The following NLRP1 variants were observed in gnomAD, a reference collection of about 807,000 sequenced individuals.
NLRP1 encodes the protein NLR family pyrin domain containing 1, also known as NACHT, LRR and PYD domains-containing protein 1.
Under a neutral mutation model 136.7 loss-of-function variants are expected in NLRP1, and 94 were observed. That is an observed-to-expected ratio of 0.69 (90% CI 0.58 to 0.82). The LOEUF is 0.82. Among genes scored for constraint, NLRP1 ranks in the 40% least tolerant of loss-of-function variants. NLRP1 has a pLI of 0.00. For missense variants in NLRP1, 1,575 were observed against 1,802.7 expected (o/e 0.87, Z 2.29); for synonymous variants, 690 against 725.1 (o/e 0.95, Z 0.78).
chr17:5,515,126 C>A lies in NLRP1; in HGVS notation c.4103-53G>T, dbSNP rs1246950156. On this transcript the variant is annotated intron_variant, in intron 16 of 16. Coordinates refer to ENST00000572272, the MANE Select transcript of NLRP1 (RefSeq NM_033004.4). ...CCACAGCCTCCACCTCCAATCCCCA[C>A]CTTCAGTGCTTTCCTCTCTCATCTC... is the stretch of plus-strand genomic sequence containing the variant. The A allele has an allele frequency of 8.0e-6, 12 of 1,502,170 alleles. 1 individual carries two copies. In the South Asian group the frequency reaches 1.2e-4, roughly 15 times the overall value. The allele number at this position is 1,502,170 out of a possible 1,614,324, so 93.1% of individuals were successfully genotyped here.
chr17:5,505,711 G>A (rs538431759), intron 15 of NLRP1: 2 of 152,366 alleles, frequency 1.3e-5, no homozygotes, highest in African/African-American at 4.8e-5. Flanking sequence ...AGCCTAGCTG[G>A]GCACTGATTG....
chr17:5,501,909 G>C (rs755172266), intron 15 of NLRP1: 2 of 1,587,088 alleles, frequency 1.3e-6, no homozygotes, highest in Non-Finnish European at 8.7e-7. Context: ...GGATTTATTT[G>C]AGTCCCAGTA....
chr17:5,514,955 C>T lies in NLRP1; in HGVS notation c.4221G>A (p.Val1407=). The T allele has an allele frequency of 1.2e-5, 19 of 1,614,226 alleles. No homozygotes were observed. Among genetic ancestry groups the T allele is most frequent in the Non-Finnish European group, 1.6e-5 (19 of 1,180,040 alleles). Reference sequence around the variant, plus strand: ...CCCTCTCGTACTGCTCCTGGCTCAGCACCTGTCCATGCAGTTTGTCCAAGA... The same window carrying T: ...CCCTCTCGTACTGCTCCTGGCTCAGTACCTGTCCATGCAGTTTGTCCAAGA... ...EVVLDKLHGQ[V]LSQEQYERVL... The change falls in exon 17 of 17, where the codon GTG becomes GTA. Residue 1407 remains valine (V), a synonymous_variant. Transcript: ENST00000572272.
chr17:5,544,947 T>C (rs913229157), intron 5 of NLRP1, among the ~76,000 whole-genome samples: 6 of 152,068 alleles, frequency 3.9e-5, no homozygotes, highest in Non-Finnish European at 7.4e-5. Context: ...GATATGATTA[T>C]GGGAGCGGCT....
At chr17:5,560,458 T>G (rs1055472177) in intron 3 of NLRP1, among the ~76,000 whole-genome samples, 3 of 151,984 alleles carry the variant, frequency 2.0e-5, no homozygotes, top group Non-Finnish European at 4.4e-5. Context: ...GACACTGGAG[T>G]GTGTAGCAGA....
rs1597460301 is a variant in NLRP1 at position 5,559,671 on chromosome 17, G to A, written c.1025C>T (p.Thr342Ile). 4 of 1,614,232 alleles carry A rather than the reference G, an allele frequency of 2.5e-6. 1 individual carries two copies. In the South Asian group the frequency reaches 3.3e-5, roughly 13 times the overall value. The change falls in exon 4 of 17, where the codon ACA becomes ATA. Residue 342 changes from threonine to isoleucine, a missense_variant. Coordinates refer to ENST00000572272, the MANE Select transcript of NLRP1 (RefSeq NM_033004.4). Reference protein sequence around the residue: ...LQGAAGIGKSTLARQVKEAWG... With the variant: ...LQGAAGIGKSILARQVKEAWG... ...GGCTTCCTTCACCTGCCTGGCCAGT[G>A]TTGACTTCCCAATTCCAGCAGCCCC...
intron 12 of NLRP1, among the ~76,000 whole-genome samples, chr17:5,529,369 CT>C (rs770430967): frequency 1.5e-3 from 213 of 138,608 alleles, no homozygotes; most frequent in Middle Eastern, 3.7e-3. Flanking sequence ...ATTGTTTATT[CT>C]TTTTTTTTTT....
At chr17:5,554,732 A>G (rs919296168) in intron 4 of NLRP1, among the ~76,000 whole-genome samples, 7 of 152,316 alleles carry the variant, frequency 4.6e-5, no homozygotes, top group East Asian at 1.9e-4. Context: ...AAACATATAA[A>G]AAAAGCCAGC....
rs1911878350 is a variant in NLRP1 at position 5,541,641 on chromosome 17, C to T, written c.2699+216G>A. ...CTTGCATTCACGTCCCTTGACTCGA[C>T]TTGGCTTCTCTTGCTGTATTTGGAG... is the stretch of plus-strand genomic sequence containing the variant. On this transcript the variant is annotated intron_variant, in intron 6 of 16. Coordinates refer to ENST00000572272, the MANE Select transcript of NLRP1 (RefSeq NM_033004.4). The surrounding 1 kb of genome is among the most constrained non-coding windows in gnomAD (Gnocchi z 4.2). Among the ~76,000 whole-genome samples, 1 of 152,206 alleles carries T rather than the reference C, an allele frequency of 6.6e-6. No individual in the cohort carries two copies.
intron 7 of NLRP1, among the ~76,000 whole-genome samples, 158 bp downstream of exon 7, chr17:5,539,257 C>T (rs982152678): frequency 1.3e-5 from 2 of 152,130 alleles, no homozygotes; most frequent in African/African-American, 2.4e-5. Context: ...AAACAGAGTC[C>T]CAGAGAATTC....
intron 13 of NLRP1, 129 bp from the exon 14 acceptor site, chr17:5,521,141 C>G (rs764463406): frequency 6.5e-5 from 57 of 880,614 alleles, no homozygotes; most frequent in Middle Eastern, 2.2e-4. Flanking sequence ...CCTCCCTCCC[C>G]CCATGCACTG....
intron 7 of NLRP1, among the ~76,000 whole-genome samples, chr17:5,538,462 C>A (rs35410467): frequency 0.046 from 6,983 of 152,234 alleles, 186 homozygotes; most frequent in Middle Eastern, 0.085. Context: ...TCCTTCAGAC[C>A]TCAGCCTGAC....
At chr17:5,535,955 C>T (rs929056242) in intron 8 of NLRP1, among the ~76,000 whole-genome samples, 1 of 152,160 alleles carries the variant, frequency 6.6e-6, no homozygotes, top group African/African-American at 2.4e-5. Context: ...ACGGTGATGG[C>T]GAGGATGGTC....
rs150678583 is a variant in NLRP1, at chr17:5,580,038, A to C, written c.652+1821T>G. 1.6e-4 allele frequency among the ~76,000 whole-genome samples: 25 copies of C among 152,258 alleles called. No homozygotes were observed. The East Asian group carries it at 4.6e-3, about 28-fold the overall frequency. On this transcript the variant is annotated intron_variant, in intron 3 of 16. Transcript: ENST00000572272. ...CACCTCGGATCAGGAGTTCGAGACC[A>C]GCCTGACTAACATGGTGAAACCCCA...
At chr17:5,539,733 G>A (rs1188184715) in intron 6 of NLRP1, 148 bp from the exon 7 acceptor site, 18 of 1,367,458 alleles carry the variant, frequency 1.3e-5, no homozygotes, top group African/African-American at 7.4e-5. Context: ...CCTGGCTTGC[G>A]GTAACCTGAG....
intron 4 of NLRP1, among the ~76,000 whole-genome samples, chr17:5,557,862 T>C (rs965903255): frequency 6.6e-6 from 1 of 152,146 alleles, no homozygotes; most frequent in South Asian, 2.1e-4. Context: ...GAAACTCTTT[T>C]TGAGAGCTGA....
intron 10 of NLRP1, 143 bp from the exon 11 acceptor site, chr17:5,533,127 C>T (rs1910534822): frequency 1.4e-6 from 2 of 1,435,674 alleles, no homozygotes; most frequent in Non-Finnish European, 1.9e-6. Context: ...TGCTCCTGCT[C>T]CATGGCTGCC....
intron 4 of NLRP1, among the ~76,000 whole-genome samples, chr17:5,554,519 G>A (rs1011221204): frequency 4.6e-5 from 7 of 152,156 alleles, no homozygotes; most frequent in Non-Finnish European, 8.8e-5. Context: ...GCAGAGCCAT[G>A]TGGGGGCAAG....
At chr17:5,545,570 G>A (rs1434544061) in intron 5 of NLRP1, among the ~76,000 whole-genome samples, 1 of 151,556 alleles carries the variant, frequency 6.6e-6, no homozygotes, top group Admixed American at 6.6e-5. Flanking sequence ...ACACACACAC[G>A]ACTCAGTATG....
Sources: allele counts gnomAD v4.1 joint callset (sites outside exome capture counted in the v4.1 genomes callset), GRCh38; gene constraint gnomAD v4.1.1; non-coding constraint Gnocchi (gnomAD v3.1); transcripts MANE v1.5; gene names NCBI Gene and HGNC (gene_info 2026-07-23, HGNC 2026-07-21).